Variants in EIF4E2 observed in about 807,000 individuals in gnomAD.
EIF4E2 encodes eukaryotic translation initiation factor 4E type 2.
In EIF4E2, 13 loss-of-function variants were observed where a neutral mutation model predicts 34.2. The observed-to-expected ratio is 0.38, with a 90% CI of 0.25 to 0.60. EIF4E2 has a LOEUF of 0.60. Ranked by LOEUF, EIF4E2 falls within the 20% of genes least tolerant of loss-of-function variation. The pLI, the probability that EIF4E2 is intolerant of heterozygous loss-of-function variation, is 0.62. For missense variants in EIF4E2, 222 were observed against 315.1 expected (o/e 0.70, Z 2.24); for synonymous variants, 100 against 106.6 (o/e 0.94, Z 0.38).
chr2:232,578,737 A>G (rs1426403587), intron 6 of EIF4E2, among the ~76,000 whole-genome samples: 2 of 152,194 alleles, frequency 1.3e-5, no homozygotes, highest in Admixed American at 6.5e-5. Context: ...CTTCCAAAAG[A>G]TAAGATGACC....
chr2:232,567,767 T>C, intron 6 of EIF4E2: 1 of 987,284 alleles, frequency 1.0e-6, no homozygotes, highest in Non-Finnish European at 1.2e-6. Context: ...GAAAATAAGC[T>C]TGGCAATCTC....
chr2:232,571,726 C>T (rs1290780782), downstream of EIF4E2, among the ~76,000 whole-genome samples: 1 of 152,190 alleles, frequency 6.6e-6, no homozygotes, highest in Non-Finnish European at 1.5e-5. Flanking sequence ...CAACACTGAA[C>T]TTTTATAGGC....
In EIF4E2 at chr2:232,567,269, C is replaced by T. The variant is rs752715459; in HGVS notation, c.665+55C>T. The T allele has an allele frequency of 2.5e-6, 4 of 1,607,444 alleles. No homozygotes were observed. The Admixed American group carries it at 5.0e-5, about 20-fold the overall frequency. ...GTCCCTAAGCTTAGTATAAGTAGAT[C>T]TGTAGTTGGGCCCAGAGGAATATGG... is the stretch of plus-strand genomic sequence containing the variant. On this transcript the variant is annotated intron_variant, in intron 6 of 6. Coordinates refer to ENST00000258416, the MANE Select transcript of EIF4E2 (RefSeq NM_004846.4).
chr2:232,551,138 T>G, intron 1 of EIF4E2: 2 of 547,496 alleles, frequency 3.7e-6, no homozygotes, highest in Non-Finnish European at 7.2e-6. Flanking sequence ...ACACTCCCTC[T>G]CCCCTCTGAG....
At chr2:232,563,748 A>G (rs1422335591) in intron 3 of EIF4E2, among the ~76,000 whole-genome samples, 2 of 152,234 alleles carry the variant, frequency 1.3e-5, no homozygotes, top group African/African-American at 2.4e-5. Flanking sequence ...CTAACTAAAC[A>G]GGTCTAAGAG....
At chr2:232,570,088 A>T (rs1161659929), downstream of EIF4E2, among the ~76,000 whole-genome samples, 1 of 152,138 alleles carries the variant, frequency 6.6e-6, no homozygotes, top group East Asian at 1.9e-4. Flanking sequence ...GCCTGAGAGG[A>T]TCTGTGAAAG....
chr2:232,550,772 C>T, intron 1 of EIF4E2, 28 bp downstream of exon 1: 10 of 1,554,060 alleles, frequency 6.4e-6, no homozygotes, highest in Non-Finnish European at 8.7e-6. Context: ...GCCCCCGGGG[C>T]CCCTTCCCCG....
intron 1 of EIF4E2, among the ~76,000 whole-genome samples, chr2:232,552,103 A>G (rs1056144477): frequency 1.3e-5 from 2 of 152,154 alleles, no homozygotes; most frequent in Non-Finnish European, 2.9e-5. Flanking sequence ...TGTCATCCTA[A>G]GAAGACATCT....
chr2:232,571,166 C>T (rs1693082940), downstream of EIF4E2, among the ~76,000 whole-genome samples: 1 of 152,200 alleles, frequency 6.6e-6, no homozygotes, highest in African/African-American at 2.4e-5. Flanking sequence ...TGCTTGTGGC[C>T]TTTTCCTGCT....
In EIF4E2 at chr2:232,557,982, T is replaced by C. The variant is rs751146807; in HGVS notation, c.234T>C (p.Tyr78=). 6.2e-7 allele frequency: 1 copy of C among 1,614,214 alleles called. No homozygotes were observed. Among genetic ancestry groups the C allele is most frequent in the Admixed American group, 1.7e-5 (1 of 60,028 alleles). The part of the protein sequence containing the change: ...TPGRPTSSQS[Y]EQNIKQIGTF... ...GCCGTCCCACGAGCTCACAGAGCTA[T>C]GAACAGAATATCAAACAGATTGGCA... The change falls in exon 3 of 7, where the codon TAT becomes TAC. Residue 78 remains tyrosine, a synonymous_variant. Transcript: ENST00000258416.
intron 3 of EIF4E2, among the ~76,000 whole-genome samples, chr2:232,561,250 A>G (rs1692713503): frequency 6.6e-6 from 1 of 152,146 alleles, no homozygotes; most frequent in African/African-American, 2.4e-5. Context: ...CCTGGGCAAC[A>G]TAGTGAGATC....
chr2:232,556,673 T>C (rs147096355), intron 2 of EIF4E2, 143 bp downstream of exon 2: 50 of 639,048 alleles, frequency 7.8e-5, no homozygotes, highest in African/African-American at 6.9e-4. Context: ...AAAAACATTG[T>C]GCAATCATTG....
chr2:232,561,905 A>C (rs1449254810), intron 3 of EIF4E2, among the ~76,000 whole-genome samples: 1 of 151,728 alleles, frequency 6.6e-6, no homozygotes, highest in South Asian at 2.1e-4. Flanking sequence ...GAACTGTCAA[A>C]TCTTTTAAAG....
chr2:232,551,043 C>A, intron 1 of EIF4E2: 1 of 615,128 alleles, frequency 1.6e-6, no homozygotes. Context: ...ATGCGGATTG[C>A]CTGCGACGTG....
intron 2 of EIF4E2, 177 bp downstream of exon 2, chr2:232,556,707 T>C (rs1692537208): frequency 1.8e-6 from 1 of 565,248 alleles, no homozygotes; most frequent in Non-Finnish European, 3.2e-6. Flanking sequence ...GACCTAGAAC[T>C]TTTCTCTTGC....
intron 2 of EIF4E2, 115 bp from the exon 3 acceptor site, chr2:232,557,769 G>A: frequency 8.3e-7 from 1 of 1,205,292 alleles, no homozygotes; most frequent in East Asian, 2.4e-5. Context: ...GATAGTTGAG[G>A]TTGTATATCC....
At chr2:232,568,576 C>T (rs1183597710) in intron 6 of EIF4E2, 1 of 985,288 alleles carries the variant, frequency 1.0e-6, no homozygotes, top group African/African-American at 1.7e-5. Context: ...TCTGAATATC[C>T]CCTACTCCCA....
chr2:232,564,206 A>G, intron 3 of EIF4E2, 41 bp from the exon 4 acceptor site: 1 of 1,406,530 alleles, frequency 7.1e-7, no homozygotes, highest in Non-Finnish European at 9.8e-7. Context: ...AAAGAAAAGT[A>G]AAAGACACAT....
intron 1 of EIF4E2, among the ~76,000 whole-genome samples, chr2:232,555,482 T>A (rs887848726): frequency 6.6e-6 from 1 of 152,250 alleles, no homozygotes; most frequent in East Asian, 1.9e-4. Flanking sequence ...TTCGTTTGAC[T>A]CTGTGCTTAT....
Sources: allele counts gnomAD v4.1 joint callset (sites outside exome capture counted in the v4.1 genomes callset), GRCh38; gene constraint gnomAD v4.1.1; transcripts MANE v1.5; gene names NCBI Gene and HGNC (gene_info 2026-07-23, HGNC 2026-07-21).